Variants in ZFHX3 observed in about 807,000 individuals in gnomAD.
ZFHX3 encodes the protein zinc finger homeobox protein 3.
ZFHX3 carries 42 observed loss-of-function variants against 279.1 expected under a neutral mutation model. The ratio of observed to expected loss-of-function variants is 0.15; its 90% CI spans 0.12 to 0.19. The LOEUF (loss-of-function observed/expected upper bound fraction) is 0.19. ZFHX3 is among the 10% of genes least tolerant of loss of function. ZFHX3 has a pLI of 1.00. For missense variants in ZFHX3, 4,981 were observed against 4,754.0 expected (o/e 1.05, Z -1.40); for synonymous variants, 2,293 against 1,957.8 (o/e 1.17, Z -4.52).
intron 2 of ZFHX3, among the ~76,000 whole-genome samples, chr16:73,589,831 A>G (rs1224894634): frequency 2.6e-5 from 4 of 151,802 alleles, no homozygotes; most frequent in Non-Finnish European, 4.4e-5. Flanking sequence ...AAACAGCAAT[A>G]AACTAGAAAT....
At chr16:73,855,334 G>A (rs1415808963) in intron 1 of ZFHX3, among the ~76,000 whole-genome samples, 1 of 149,154 alleles carries the variant, frequency 6.7e-6, no homozygotes, top group Non-Finnish European at 1.5e-5. Context: ...AAATGGGCCA[G>A]ATCCACGATT....
At chr16:73,695,350 C>A (rs1597070444) in intron 1 of ZFHX3, among the ~76,000 whole-genome samples, 1 of 151,454 alleles carries the variant, frequency 6.6e-6, no homozygotes, top group African/African-American at 2.4e-5. Context: ...AATTCTCCTG[C>A]CTCAGCCTCC....
intron 4 of ZFHX3, among the ~76,000 whole-genome samples, chr16:72,835,782 T>TAC (rs2037177655): frequency 6.6e-6 from 1 of 152,112 alleles, no homozygotes; most frequent in Non-Finnish European, 1.5e-5. Flanking sequence ...ACTCATTGTA[T>TAC]ACCCTGACCA....
At chr16:73,621,110 G>T (rs892786082) in intron 2 of ZFHX3, among the ~76,000 whole-genome samples, 2 of 152,186 alleles carry the variant, frequency 1.3e-5, no homozygotes, top group African/African-American at 4.8e-5. Flanking sequence ...AGAGGTCTTG[G>T]GGAGGAAGTT....
intron 5 of ZFHX3, among the ~76,000 whole-genome samples, chr16:73,210,531 T>C (rs1009841796): frequency 1.3e-5 from 2 of 152,230 alleles, no homozygotes; most frequent in African/African-American, 4.8e-5. Context: ...TTGAAAGTGC[T>C]GTTTTAGGGT....
intron 1 of ZFHX3, among the ~76,000 whole-genome samples, chr16:73,865,440 C>A (rs113343158): frequency 6.6e-6 from 1 of 152,156 alleles, no homozygotes; most frequent in South Asian, 2.1e-4. Context: ...GAAGCCTGCA[C>A]GCCATGTGTT....
At chr16:73,449,085 C>T (rs566020537) in intron 3 of ZFHX3, among the ~76,000 whole-genome samples, 220 of 152,172 alleles carry the variant, frequency 1.4e-3, no homozygotes, top group African/African-American at 4.0e-3. Flanking sequence ...CCTATGAGTC[C>T]ATGTATTAAT....
chr16:73,275,232 A>C (rs1399506731), intron 4 of ZFHX3, among the ~76,000 whole-genome samples: 1 of 152,194 alleles, frequency 6.6e-6, no homozygotes, highest in Admixed American at 6.5e-5. Context: ...TTTTGAGTCC[A>C]GTTACATATT....
Position 72,950,560 on chromosome 16 carries a change from C to T in ZFHX3, c.3125G>A (p.Cys1042Tyr). The T allele has an allele frequency of 6.2e-7, 1 of 1,614,234 alleles. No homozygotes were observed. The highest frequency in any genetic ancestry group is 8.5e-7 in the Non-Finnish European group (1 of 1,180,046). ...VAIGNPVHLK[C>Y]NACDYYTNSL... ...GTTGGTGTAGTAGTCACAGGCGTTG[C>T]ACTTGAGGTGCACGGGGTTGCCGAT... The change falls in exon 3 of 10, where the codon TGC (cysteine) becomes TAC (tyrosine). Residue 1042 changes from cysteine (C) to tyrosine (Y), a missense_variant. Coordinates refer to ENST00000268489, the MANE Select transcript of ZFHX3 (RefSeq NM_006885.4).
intron 2 of ZFHX3, among the ~76,000 whole-genome samples, chr16:73,617,974 C>T (rs2143897016): frequency 6.6e-6 from 1 of 152,242 alleles, no homozygotes; most frequent in East Asian, 1.9e-4. Flanking sequence ...TGCACATTGG[C>T]CTACACTGCA....
intron 2 of ZFHX3, among the ~76,000 whole-genome samples, chr16:73,668,352 A>C (rs575494627): frequency 8.3e-4 from 127 of 152,124 alleles, no homozygotes; most frequent in African/African-American, 2.9e-3. Context: ...CATGTGCAGA[A>C]CGTGCAGGTT....
upstream of ZFHX3, among the ~76,000 whole-genome samples, chr16:73,051,421 C>T (rs1965447862): frequency 6.6e-6 from 1 of 152,178 alleles, no homozygotes; most frequent in African/African-American, 2.4e-5. Flanking sequence ...TGCAGAAGTT[C>T]CTCAGAACAG....
At chr16:73,524,765 G>T (rs1485107739) in intron 2 of ZFHX3, among the ~76,000 whole-genome samples, 1 of 152,334 alleles carries the variant, frequency 6.6e-6, no homozygotes, top group Non-Finnish European at 1.5e-5. Flanking sequence ...CAAGTGGTCA[G>T]CTGGTATTCT....
At chr16:73,231,748 G>A (rs1488933864) in intron 5 of ZFHX3, among the ~76,000 whole-genome samples, 2 of 152,084 alleles carry the variant, frequency 1.3e-5, no homozygotes, top group Non-Finnish European at 2.9e-5. Flanking sequence ...TTCAGTTCTC[G>A]TTAAATTCCA....
chr16:73,465,772 G>T (rs991982855), intron 2 of ZFHX3, among the ~76,000 whole-genome samples: 1 of 152,042 alleles, frequency 6.6e-6, no homozygotes, highest in Non-Finnish European at 1.5e-5. Context: ...TCTTGGCTCC[G>T]CTTCTAACTC....
chr16:73,250,287 A>G (rs867685540), intron 5 of ZFHX3, among the ~76,000 whole-genome samples: 6 of 152,242 alleles, frequency 3.9e-5, no homozygotes, highest in African/African-American at 1.2e-4. Flanking sequence ...AATGAACACT[A>G]AGTTGACATA....
At chr16:73,866,310 T>G (rs1255754713) in intron 1 of ZFHX3, among the ~76,000 whole-genome samples, 1 of 151,066 alleles carries the variant, frequency 6.6e-6, no homozygotes, top group African/African-American at 2.4e-5. Flanking sequence ...TCTCTAGTAG[T>G]TGGGATTACA....
At position 72,797,988 on chromosome 16, in the gene ZFHX3, T is replaced by C. The variant is rs572518232; in HGVS notation, c.4694A>G (p.Asn1565Ser). 13 of 1,614,196 alleles carry C rather than the reference T, an allele frequency of 8.1e-6. No individual in the cohort carries two copies. The East Asian group carries it at 2.5e-4, about 30-fold the overall frequency. The change falls in exon 9 of 10, where the codon AAT (asparagine) becomes AGT (serine). Residue 1565 changes from asparagine (N) to serine (S), a missense_variant. Physicochemically the swap from Asn to Ser is conservative, Grantham distance 46 (BLOSUM62 1). Coordinates refer to ENST00000268489, the MANE Select transcript of ZFHX3 (RefSeq NM_006885.4). ...TQKNILLVHY[N>S]SVSHLHKLKR... ...TAACTTATGCAGGTGGGAGACAGAA[T>C]TGTAGTGTACTAGCAGGATATTCTT...
At chr16:73,352,625 A>G (rs1479262860) in intron 3 of ZFHX3, among the ~76,000 whole-genome samples, 1 of 151,744 alleles carries the variant, frequency 6.6e-6, no homozygotes, top group Non-Finnish European at 1.5e-5. Context: ...GACTACAGGC[A>G]TGTGCCACCA....
Sources: allele counts gnomAD v4.1 joint callset (sites outside exome capture counted in the v4.1 genomes callset), GRCh38; gene constraint gnomAD v4.1.1; transcripts MANE v1.5; gene names NCBI Gene and HGNC (gene_info 2026-07-23, HGNC 2026-07-21).